IPO11: variants seen among roughly 807,000 people sequenced by gnomAD.
IPO11 encodes the protein importin 11, also known as importin-11.
IPO11 carries 66 observed loss-of-function variants against 143.2 expected under a neutral mutation model. The ratio of observed to expected loss-of-function variants is 0.46; its 90% CI spans 0.38 to 0.57. The LOEUF (loss-of-function observed/expected upper bound fraction) is 0.57. Ranked by LOEUF, IPO11 falls within the 20% of genes least tolerant of loss-of-function variation. The pLI is 0.00. For missense variants in IPO11, 1,026 were observed against 1,141.0 expected (o/e 0.90, Z 1.45); for synonymous variants, 385 against 377.8 (o/e 1.02, Z -0.22).
At chr5:62,551,081 G>T in intron 25 of IPO11, 142 bp from the exon 26 acceptor site, 1 of 439,670 alleles carries the variant, frequency 2.3e-6, no homozygotes, top group Non-Finnish European at 4.1e-6. Context: ...TTAGAACTCA[G>T]GCAGTATTGA....
intron 16 of IPO11, among the ~76,000 whole-genome samples, chr5:62,498,470 C>A (rs1043349908): frequency 6.6e-6 from 1 of 152,316 alleles, no homozygotes; most frequent in Middle Eastern, 3.4e-3. Flanking sequence ...TTTAGAGGAA[C>A]CTTCTTTTCC....
chr5:62,627,261 G>C lies in IPO11; in HGVS notation c.2871G>C (p.Met957Ile). The C allele has an allele frequency of 6.2e-7, 1 of 1,614,104 alleles. No individual in the cohort carries two copies. The highest frequency in any genetic ancestry group is 1.1e-5 in the South Asian group (1 of 91,082). Residue 957 changes from methionine (M) to isoleucine (I), a missense_variant, in exon 30 of 30, where the codon ATG (methionine) becomes ATC (isoleucine). Met to Ile is a conservative substitution (Grantham distance 10, BLOSUM62 1). Around this residue, in one of 5 missense-constraint regions of IPO11, gnomAD observed 351 missense variants for 358.9 expected, o/e 0.98. Coordinates refer to ENST00000325324, the MANE Select transcript of IPO11 (RefSeq NM_016338.5). ...GAGAACAAGGTTTCCAGTCCCTCAT[G>C]GAAACAGTGGATACGGAGATTGTCA... ...MLGEQGFQSL[M>I]ETVDTEIVTQ...
At chr5:62,432,386 G>T (rs892577289) in intron 1 of IPO11, among the ~76,000 whole-genome samples, 4 of 152,232 alleles carry the variant, frequency 2.6e-5, no homozygotes, top group Admixed American at 1.3e-4. Context: ...TAGCTGGGGT[G>T]TATGAGAAAT....
chr5:62,474,310 A>T (rs1182656107), intron 7 of IPO11, 106 bp from the exon 8 acceptor site: 5 of 667,452 alleles, frequency 7.5e-6, no homozygotes, highest in Non-Finnish European at 1.2e-5. Context: ...TCTTCGGCTA[A>T]TTTTTTTAAG....
intron 5 of IPO11, among the ~76,000 whole-genome samples, chr5:62,462,528 A>T (rs1321224888): frequency 6.6e-6 from 1 of 151,198 alleles, no homozygotes; most frequent in Non-Finnish European, 1.5e-5. Flanking sequence ...TACCATTATT[A>T]AAAAAAATAC....
At chr5:62,552,413 T>C (rs2112351221) in intron 26 of IPO11, among the ~76,000 whole-genome samples, 1 of 151,858 alleles carries the variant, frequency 6.6e-6, no homozygotes, top group African/African-American at 2.4e-5. Context: ...GATAAATAAA[T>C]AGGGTATATT....
intron 5 of IPO11, among the ~76,000 whole-genome samples, chr5:62,454,713 T>G (rs940840901): frequency 3.9e-5 from 6 of 152,250 alleles, no homozygotes; most frequent in Non-Finnish European, 7.3e-5. Flanking sequence ...TTGTGCTGAC[T>G]TGTAATTGTC....
intron 9 of IPO11, among the ~76,000 whole-genome samples, chr5:62,481,735 C>T (rs1404155405): frequency 6.6e-6 from 1 of 152,122 alleles, no homozygotes; most frequent in Non-Finnish European, 1.5e-5. Context: ...GATTGTTCAT[C>T]AGGGATATTG....
intron 22 of IPO11, among the ~76,000 whole-genome samples, chr5:62,531,273 A>G (rs963544972): frequency 6.6e-6 from 1 of 152,112 alleles, no homozygotes; most frequent in Non-Finnish European, 1.5e-5. Flanking sequence ...AAACTACTGG[A>G]CTGAAGCAAC....
intron 27 of IPO11, among the ~76,000 whole-genome samples, chr5:62,572,693 C>T (rs1744176568): frequency 6.6e-6 from 1 of 151,822 alleles, no homozygotes; most frequent in South Asian, 2.1e-4. Flanking sequence ...GTGATTCTCA[C>T]ACCTCAGCCT....
At chr5:62,566,876 G>C (rs1156401417) in intron 27 of IPO11, among the ~76,000 whole-genome samples, 2 of 151,454 alleles carry the variant, frequency 1.3e-5, no homozygotes. Context: ...ATATTTTTTA[G>C]TGGCAGAGTT....
intron 19 of IPO11, among the ~76,000 whole-genome samples, chr5:62,514,094 C>T (rs1741908026): frequency 1.3e-5 from 2 of 151,464 alleles, no homozygotes; most frequent in South Asian, 4.2e-4. Context: ...CAGAGACGCT[C>T]CTCACTTTCC....
At chr5:62,564,730 A>G (rs1046489630) in intron 27 of IPO11, among the ~76,000 whole-genome samples, 4 of 152,126 alleles carry the variant, frequency 2.6e-5, no homozygotes, top group African/African-American at 7.2e-5. Flanking sequence ...TTGCCATTAG[A>G]TATCCCTGGG....
At chr5:62,468,674 C>T (rs2112195646) in intron 6 of IPO11, among the ~76,000 whole-genome samples, 1 of 152,240 alleles carries the variant, frequency 6.6e-6, no homozygotes, top group East Asian at 1.9e-4. Flanking sequence ...ATAGGGTTTT[C>T]TTACCTTATT....
rs548148462 is a variant in IPO11, at chr5:62,626,249, C to T, written c.2764-905C>T. On this transcript the variant is annotated intron_variant, in intron 29 of 29. Coordinates refer to ENST00000325324, the MANE Select transcript of IPO11 (RefSeq NM_016338.5). Reference sequence around the variant, plus strand: ...TTCACCATATTGGCCAGGCTGGTCTCGAACTCCTGACCTTGTGATCTGCCT... The same window carrying T: ...TTCACCATATTGGCCAGGCTGGTCTTGAACTCCTGACCTTGTGATCTGCCT... Among the ~76,000 whole-genome samples the T allele has an allele frequency of 9.2e-5, 14 of 152,186 alleles. No individual in the cohort carries two copies. In the South Asian group the frequency reaches 2.9e-3, roughly 31 times the overall value.
chr5:62,595,138 AATCTTTGGGGGTC>A (rs1463727910), intron 28 of IPO11, among the ~76,000 whole-genome samples: 1 of 152,184 alleles, frequency 6.6e-6, no homozygotes, highest in Non-Finnish European at 1.5e-5. Context: ...CATTATTCAG[AATCTTTGGGGGTC>A]ACACAGTAGA....
At chr5:62,574,680 C>T (rs1744252767) in intron 27 of IPO11, among the ~76,000 whole-genome samples, 1 of 152,126 alleles carries the variant, frequency 6.6e-6, no homozygotes, top group South Asian at 2.1e-4. Flanking sequence ...TGCCAATATA[C>T]ATCAAAGAAA....
chr5:62,626,679 CA>C, intron 29 of IPO11, among the ~76,000 whole-genome samples: 1 of 132,440 alleles, frequency 7.6e-6, no homozygotes, highest in Middle Eastern at 3.8e-3. Flanking sequence ...TTTTTTTTTT[CA>C]GCCAGAAGCA....
intron 28 of IPO11, among the ~76,000 whole-genome samples, chr5:62,594,520 A>T (rs950272729): frequency 6.6e-6 from 1 of 152,220 alleles, no homozygotes; most frequent in Admixed American, 6.5e-5. Flanking sequence ...GGATTGACTG[A>T]GGTCTACCCA....
Sources: gnomAD v4.1 joint callset for allele counts (sites outside exome capture counted in the v4.1 genomes callset) on GRCh38, gnomAD v4.1.1 for gene constraint, gnomAD v4.1.1 regional missense constraint, MANE v1.5 for transcripts, NCBI Gene and HGNC (gene_info 2026-07-23, HGNC 2026-07-21) for gene names.